The following MIGA2 variants were observed in gnomAD, a reference collection of about 807,000 sequenced individuals.
MIGA2 encodes mitoguardin 2.
A neutral mutation model predicts 69.9 loss-of-function variants in MIGA2; 36 were observed. The ratio of observed to expected loss-of-function variants is 0.52; its 90% CI spans 0.39 to 0.68. MIGA2 has a LOEUF of 0.68. Among genes scored for constraint, MIGA2 ranks in the 30% least tolerant of loss-of-function variants. The pLI, the probability that MIGA2 is intolerant of heterozygous loss-of-function variation, is 0.00. For missense variants in MIGA2, 660 were observed against 787.7 expected (o/e 0.84, Z 1.94); for synonymous variants, 333 against 349.2 (o/e 0.95, Z 0.52).
At chr9:129,049,752 C>T (rs1845419201) in intron 5 of MIGA2, 75 bp from the exon 6 acceptor site, 2 of 1,605,094 alleles carry the variant, frequency 1.2e-6, no homozygotes, top group Non-Finnish European at 1.7e-6. Context: ...CTCCTGCCTC[C>T]TTGATGTTCT....
rs10988183 is a variant in MIGA2, at chr9:129,049,921, C to T, written c.633C>T (p.Asp211=). 1.0e-3 allele frequency: 1,654 copies of T among 1,613,730 alleles called. 42 individuals carry two copies. In the East Asian group the frequency reaches 0.027, roughly 26 times the overall value. The change falls in exon 6 of 16, where the codon GAC becomes GAT. Residue 211 remains aspartate (D), a synonymous_variant. Coordinates refer to ENST00000684074, the MANE Select transcript of MIGA2 (RefSeq NM_001329990.2). ...GDSGSTPMPR[D]GLRNPETASE... ...GCGGCAGCACCCCCATGCCCAGGGA[C>T]GGCCTCCGGAACCCAGAGACTGCAT...
chr9:129,063,638 GGGGGTGGGGT>G lies in MIGA2; in HGVS notation c.1170+12_1170+21del. 6.4e-7 allele frequency: 1 copy of G among 1,569,148 alleles called. No homozygotes were observed. The highest frequency in any genetic ancestry group is 8.8e-7 in the Non-Finnish European group (1 of 1,140,092). On this transcript the variant is annotated splice_region_variant and intron_variant, in intron 11 of 15. Coordinates refer to ENST00000684074, the MANE Select transcript of MIGA2 (RefSeq NM_001329990.2). ...GATGACCAAGGCTGAGAAGGTAGCA[GGGGGTGGGGT>G]GGGGGGGCAAATTATAAAATGCAAA...
intron 1 of MIGA2, among the ~76,000 whole-genome samples, chr9:129,037,758 G>T (rs1429667341): frequency 6.6e-6 from 1 of 152,142 alleles, no homozygotes; most frequent in African/African-American, 2.4e-5. Context: ...TCACTTGGGG[G>T]CCCAGAAGTC....
chr9:129,056,753 A>C (rs1845816258), intron 6 of MIGA2, among the ~76,000 whole-genome samples: 1 of 147,432 alleles, frequency 6.8e-6, no homozygotes, highest in Admixed American at 6.7e-5. Flanking sequence ...TCCTGACCTC[A>C]AGTGATCTGC....
chr9:129,040,499 G>A lies in MIGA2; in HGVS notation c.-96G>A, dbSNP rs193049423. ...ATGTGTGTCCCTGTCCTTCTGGGGC[G>A]TGGATGGTGCCTGGGACCCAGCTGG... On this transcript the variant is annotated 5_prime_UTR_variant, in exon 2 of 16. The change creates a new upstream start codon in the 5' untranslated region. Coordinates refer to ENST00000684074, the MANE Select transcript of MIGA2 (RefSeq NM_001329990.2). 37 of 1,488,158 alleles carry A rather than the reference G, an allele frequency of 2.5e-5. No homozygotes were observed. Among genetic ancestry groups the A allele is most frequent in the African/African-American group, 2.2e-4 (16 of 72,406 alleles). 92.2% of individuals were successfully genotyped at this position (1,488,158 alleles called of 1,614,324 possible).
Position 129,040,652 on chromosome 9 carries a change from G to A in MIGA2, c.58G>A (p.Ala20Thr), listed in dbSNP as rs1166535538. 6.2e-7 allele frequency: 1 copy of A among 1,613,918 alleles called. No individual in the cohort carries two copies. Among genetic ancestry groups the A allele is most frequent in the African/African-American group, 1.3e-5 (1 of 75,050 alleles). ...SMIQALAMTV[A>T]EIPVFLYTTF... ...GATCCAGGCCCTGGCCATGACGGTG[G>A]CCGAGATCCCCGTGTTCCTGTACAC... The change falls in exon 2 of 16, where the codon GCC (alanine) becomes ACC (threonine). Residue 20 changes from alanine (A) to threonine (T), a missense_variant. Ala to Thr is a moderately conservative substitution (Grantham distance 58). Coordinates refer to ENST00000684074, the MANE Select transcript of MIGA2 (RefSeq NM_001329990.2).
chr9:129,049,348 T>A, intron 4 of MIGA2, 33 bp from the exon 5 acceptor site: 1 of 1,606,532 alleles, frequency 6.2e-7, no homozygotes, highest in Non-Finnish European at 8.5e-7. Flanking sequence ...CGGGAAAGCT[T>A]CACTCTTTCT....
intron 12 of MIGA2, 115 bp downstream of exon 12, chr9:129,067,986 T>G (rs1456287405): frequency 7.6e-7 from 1 of 1,313,916 alleles, no homozygotes; most frequent in Non-Finnish European, 1.1e-6. Flanking sequence ...GTTCCATCAC[T>G]GCTCATAGTC....
intron 1 of MIGA2, among the ~76,000 whole-genome samples, chr9:129,037,873 G>A (rs1338230272): frequency 6.6e-6 from 1 of 152,168 alleles, no homozygotes; most frequent in Non-Finnish European, 1.5e-5. Context: ...TTAGTACTCG[G>A]TGACCTCAGG....
chr9:129,050,813 C>T (rs1052841835), intron 6 of MIGA2, among the ~76,000 whole-genome samples: 3 of 151,990 alleles, frequency 2.0e-5, no homozygotes, highest in African/African-American at 2.4e-5. Flanking sequence ...CCTCGTGATC[C>T]GCCTGCCTTG....
chr9:129,070,725 A>G lies in MIGA2; in HGVS notation c.*272A>G. On this transcript the variant is annotated 3_prime_UTR_variant, in exon 16 of 16. Transcript: ENST00000684074. ...GGGACAGGCAGAGCCAGGATGCCCC[A>G]GGTGGGGGACCCCAAAACCTCCCAT... 1 of 491,030 alleles carries G rather than the reference A, an allele frequency of 2.0e-6. No homozygotes were observed. The highest frequency in any genetic ancestry group is 3.6e-6 in the Non-Finnish European group (1 of 275,042). The allele number at this position is 491,030 out of a possible 1,614,324, so 30.4% of individuals were successfully genotyped here.
chr9:129,069,823 G>T lies in MIGA2; in HGVS notation c.1459-26G>T, dbSNP rs747405386. 1.9e-6 allele frequency: 3 copies of T among 1,555,380 alleles called. No individual in the cohort carries two copies. Among genetic ancestry groups the T allele is most frequent in the Non-Finnish European group, 2.7e-6 (3 of 1,127,562 alleles). On this transcript the variant is annotated intron_variant, in intron 14 of 15. Transcript: ENST00000684074. This position sits in a 1 kb window ranked among gnomAD's most constrained non-coding sequence, Gnocchi z 4.9. ...CCTCATCCTACCTGGGCCCCGCCTG[G>T]CCCCTCAGCCTTGTGCCCACCGCAG...
chr9:129,059,817 T>C lies in MIGA2; in HGVS notation c.793+546T>C, dbSNP rs1845970122. On this transcript the variant is annotated intron_variant, in intron 7 of 15. Coordinates refer to ENST00000684074, the MANE Select transcript of MIGA2 (RefSeq NM_001329990.2). The surrounding 1 kb of genome is among the most constrained non-coding windows in gnomAD (Gnocchi z 5.6). ...GCCCCTCCCTGTGCACTCAACCCTG[T>C]GGGACCCTCAGACTCCTGAGGGTCC... Among the ~76,000 whole-genome samples the C allele has an allele frequency of 6.6e-6, 1 of 152,168 alleles. No individual in the cohort carries two copies. Among genetic ancestry groups the C allele is most frequent in the African/African-American group, 2.4e-5 (1 of 41,444 alleles).
chr9:129,046,381 C>T (rs1845223336), intron 3 of MIGA2, among the ~76,000 whole-genome samples: 1 of 151,990 alleles, frequency 6.6e-6, no homozygotes, highest in African/African-American at 2.4e-5. Context: ...CCTGTAATCC[C>T]AGTACTTTGG....
At chr9:129,050,088 G>A in intron 6 of MIGA2, 125 bp downstream of exon 6, 2 of 1,314,352 alleles carry the variant, frequency 1.5e-6, no homozygotes, top group Non-Finnish European at 1.0e-6. Flanking sequence ...CCTCTATGAG[G>A]GTGTCTTGAT....
Position 129,068,517 on chromosome 9 carries a change from C to T in MIGA2, c.1404+185C>T. 1.5e-6 allele frequency: 1 copy of T among 688,768 alleles called. No homozygotes were observed. Among genetic ancestry groups the T allele is most frequent in the South Asian group, 2.0e-5 (1 of 49,580 alleles). The allele number at this position is 688,768 out of a possible 1,614,324, so 42.7% of individuals were successfully genotyped here. A position where few individuals can be genotyped will look rare whatever the true frequency, so the allele number is the denominator to read the frequency against. On this transcript the variant is annotated intron_variant, in intron 13 of 15. Coordinates refer to ENST00000684074, the MANE Select transcript of MIGA2 (RefSeq NM_001329990.2). The surrounding 1 kb of genome is among the most constrained non-coding windows in gnomAD (Gnocchi z 4.1). ...AGCCTCCAGGGTGCCCCGTTGCTGC[C>T]TGGTGCCCCAGTTTAGAACCAACAT...
intron 1 of MIGA2, among the ~76,000 whole-genome samples, chr9:129,038,544 C>T (rs1844717914): frequency 6.6e-6 from 1 of 152,084 alleles, no homozygotes; most frequent in African/African-American, 2.4e-5. Flanking sequence ...GAGTATCTCC[C>T]AAGGTCCAGG....
rs781603528 is a variant in MIGA2, at chr9:129,069,136, G to A, written c.1458+7G>A. On this transcript the variant is annotated splice_region_variant and intron_variant, in intron 14 of 15. Coordinates refer to ENST00000684074, the MANE Select transcript of MIGA2 (RefSeq NM_001329990.2). The surrounding 1 kb of genome is among the most constrained non-coding windows in gnomAD (Gnocchi z 4.9). ...CAAGAGGAGGCTGCTGATGGTGAGTGACTGGCAGGCCCGGGGGAGCACGAG... is the reference window on the plus strand; with the variant it reads ...CAAGAGGAGGCTGCTGATGGTGAGTAACTGGCAGGCCCGGGGGAGCACGAG... The A allele has an allele frequency of 2.5e-6, 4 of 1,613,936 alleles. No individual in the cohort carries two copies. Among genetic ancestry groups the A allele is most frequent in the Admixed American group, 3.3e-5 (2 of 60,028 alleles).
chr9:129,063,070 G>C, intron 9 of MIGA2, 174 bp from the exon 10 acceptor site: 2 of 631,730 alleles, frequency 3.2e-6, no homozygotes, highest in Non-Finnish European at 5.6e-6. Context: ...CTTTGGCCTG[G>C]GAAGACCAAG....
Sources: allele counts gnomAD v4.1 joint callset (sites outside exome capture counted in the v4.1 genomes callset), GRCh38; gene constraint gnomAD v4.1.1; non-coding constraint Gnocchi (gnomAD v3.1); transcripts MANE v1.5; gene names NCBI Gene and HGNC (gene_info 2026-07-23, HGNC 2026-07-21).